PREPL: variants seen among roughly 807,000 people sequenced by gnomAD.
PREPL encodes prolyl endopeptidase like.
PREPL carries 77 observed loss-of-function variants against 70.6 expected under a neutral mutation model. That is an observed-to-expected ratio of 1.09 (90% CI 0.91 to 1.32). The LOEUF (loss-of-function observed/expected upper bound fraction) is 1.32, where lower values mean the gene tolerates loss of function less well. Among genes scored for constraint, PREPL ranks in the 40% most tolerant of loss-of-function variants. PREPL has a pLI of 0.00. For synonymous variants in PREPL, 315 were observed against 264.8 expected (o/e 1.19, Z -1.84); for missense variants, 1,002 against 778.2 (o/e 1.29, Z -3.42).
intron 1 of PREPL, among the ~76,000 whole-genome samples, chr2:44,351,640 C>CA (rs1448092588): frequency 2.8e-4 from 43 of 152,152 alleles, no homozygotes; most frequent in Admixed American, 2.4e-3. Context: ...TCTCTTGCCA[C>CA]AAACAACTGG....
chr2:44,342,055 A>G (rs963843875), intron 5 of PREPL, among the ~76,000 whole-genome samples: 2 of 152,202 alleles, frequency 1.3e-5, no homozygotes, highest in Non-Finnish European at 2.9e-5. Context: ...CTGACTAAAT[A>G]GCACTATACA....
Position 44,332,578 on chromosome 2 carries a change from T to C in PREPL, c.967A>G (p.Ile323Val), listed in dbSNP as rs143785426. 1.3e-4 allele frequency: 212 copies of C among 1,613,958 alleles called. 3 individuals carry two copies. The African/African-American group carries it at 2.2e-3, about 17-fold the overall frequency. ...KNCPFQLCSP[I>V]RPPKYYTYKF... ...TATGTGTAATATTTTGGGGGACGTA[T>C]TGGAGAGCAAAGTTGAAAGGGGCAG... The change falls in exon 8 of 14, where the codon ATA becomes GTA. Residue 323 changes from isoleucine (I) to valine (V), a missense_variant. Transcript: ENST00000409411.
chr2:44,321,914 C>T lies in PREPL; in HGVS notation c.1754-14G>A, dbSNP rs1672997522. 6.2e-7 allele frequency: 1 copy of T among 1,608,060 alleles called. No homozygotes were observed. Among genetic ancestry groups the T allele is most frequent in the Non-Finnish European group, 8.5e-7 (1 of 1,176,708 alleles). ...GGGTCTGATAGCCTGGAAGAGTTAA[C>T]ATGTAGAACAATTAGAAGATTGTAT... On this transcript the variant is annotated splice_polypyrimidine_tract_variant and intron_variant, in intron 12 of 13. Transcript: ENST00000409411.
At chr2:44,356,914 C>T (rs1463468875) in intron 1 of PREPL, among the ~76,000 whole-genome samples, 1 of 151,944 alleles carries the variant, frequency 6.6e-6, no homozygotes, top group Non-Finnish European at 1.5e-5. Context: ...AATCAATCAT[C>T]CCACATCAGC....
In PREPL at chr2:44,320,463, G is replaced by C; in HGVS notation, c.*893C>G. 1 of 1,614,098 alleles carries C rather than the reference G, an allele frequency of 6.2e-7. No homozygotes were observed. The highest frequency in any genetic ancestry group is 1.7e-5 in the Admixed American group (1 of 60,014). On this transcript the variant is annotated 3_prime_UTR_variant, in exon 14 of 14. Coordinates refer to ENST00000409411, the MANE Select transcript of PREPL (RefSeq NM_001171613.2). ...AATAAGGTTAAGTACCAATTCTGCCGACAAAGGCAGTAAAGTTGATACAAG... is the reference window on the plus strand; with the variant it reads ...AATAAGGTTAAGTACCAATTCTGCCCACAAAGGCAGTAAAGTTGATACAAG...
chr2:44,334,614 C>T (rs570832036), intron 7 of PREPL, among the ~76,000 whole-genome samples: 10 of 152,312 alleles, frequency 6.6e-5, no homozygotes, highest in South Asian at 6.2e-4. Context: ...GGCGTGATCT[C>T]GGCTCACTGC....
Position 44,332,486 on chromosome 2 carries a change from G to A in PREPL, c.1059C>T (p.Arg353=), listed in dbSNP as rs191502460. Residue 353 remains arginine, a synonymous_variant, in exon 8 of 14, where the codon CGC becomes CGT. Coordinates refer to ENST00000409411, the MANE Select transcript of PREPL (RefSeq NM_001171613.2). ...GHEDPITKTS[R]VLRLEAKSKD... is the part of the protein sequence containing the mutation. ...TGCTTTTGGCTTCTAGACGTAAAACGCGACTAGTCTTTGTGATTGGGTCTT... is the reference window on the plus strand; with the variant it reads ...TGCTTTTGGCTTCTAGACGTAAAACACGACTAGTCTTTGTGATTGGGTCTT... 4.3e-5 allele frequency: 69 copies of A among 1,614,006 alleles called. No individual in the cohort carries two copies. In the Middle Eastern group the frequency reaches 9.9e-4, roughly 23 times the overall value.
chr2:44,342,580 C>G, intron 4 of PREPL, 28 bp from the exon 5 acceptor site: 1 of 1,415,618 alleles, frequency 7.1e-7, no homozygotes, highest in Non-Finnish European at 9.7e-7. Flanking sequence ...GATAATTATA[C>G]ATAATCACCT....
At chr2:44,331,248 C>T (rs1032203026) in intron 8 of PREPL, among the ~76,000 whole-genome samples, 2 of 151,940 alleles carry the variant, frequency 1.3e-5, no homozygotes, top group Non-Finnish European at 2.9e-5. Flanking sequence ...TAGCCCTACA[C>T]TTCTTCTGTA....
intron 1 of PREPL, chr2:44,360,572 C>G (rs750504530): frequency 4.6e-5 from 7 of 152,174 alleles, no homozygotes; most frequent in Non-Finnish European, 1.0e-4. Context: ...CAGGAGGTAG[C>G]TTTTATTAAC....
At chr2:44,352,463 T>A (rs1431892255) in intron 1 of PREPL, among the ~76,000 whole-genome samples, 1 of 152,180 alleles carries the variant, frequency 6.6e-6, no homozygotes, top group East Asian at 1.9e-4. Flanking sequence ...GGTTTTGCCA[T>A]GTTGCCCAGG....
intron 8 of PREPL, among the ~76,000 whole-genome samples, chr2:44,331,460 C>T (rs772239699): frequency 1.3e-5 from 2 of 152,160 alleles, no homozygotes; most frequent in Non-Finnish European, 2.9e-5. Context: ...CCCGCCTCAG[C>T]CTCCCAAAGT....
In PREPL at chr2:44,322,027, A is replaced by ACCAC. The variant is rs983727217; in HGVS notation, c.1754-131_1754-128dup. On this transcript the variant is annotated intron_variant, in intron 12 of 13. Transcript: ENST00000409411. ...AATAGTAAAGGAATAAAAAGCAAAA[A>ACCAC]CCACCATCATCAACAAAAAGATGGG... 8.6e-6 allele frequency: 8 copies of ACCAC among 930,924 alleles called. No individual in the cohort carries two copies. The African/African-American group carries it at 1.3e-4, about 16-fold the overall frequency. The allele number at this position is 930,924 out of a possible 1,614,324, so 57.7% of individuals were successfully genotyped here. A position where few individuals can be genotyped will look rare whatever the true frequency, so the allele number is the denominator to read the frequency against.
At chr2:44,334,738 A>G (rs1674464224) in intron 7 of PREPL, among the ~76,000 whole-genome samples, 1 of 151,892 alleles carries the variant, frequency 6.6e-6, no homozygotes, top group South Asian at 2.1e-4. Flanking sequence ...TATTCTTTGT[A>G]TTTTATATTT....
Position 44,319,905 on chromosome 2 carries a change from G to C in PREPL, c.*1451C>G, listed in dbSNP as rs1322809228. On this transcript the variant is annotated 3_prime_UTR_variant, in exon 14 of 14. Coordinates refer to ENST00000409411, the MANE Select transcript of PREPL (RefSeq NM_001171613.2). ...ATATTCATCTTAGACATGGACATTT[G>C]CTTTGGGACTCCTAAAGTGGAGTCA... 1 of 341,860 alleles carries C rather than the reference G, an allele frequency of 2.9e-6. No homozygotes were observed. Among genetic ancestry groups the C allele is most frequent in the Non-Finnish European group, 5.4e-6 (1 of 185,298 alleles). 21.2% of individuals were successfully genotyped at this position (341,860 alleles called of 1,614,324 possible).
intron 1 of PREPL, among the ~76,000 whole-genome samples, chr2:44,357,288 C>G (rs145667686): frequency 6.6e-6 from 1 of 152,340 alleles, no homozygotes; most frequent in African/African-American, 2.4e-5. Flanking sequence ...AAAGCAGTAA[C>G]TACTTTTTCT....
intron 8 of PREPL, among the ~76,000 whole-genome samples, chr2:44,330,306 C>T (rs549986487): frequency 7.9e-5 from 12 of 152,316 alleles, no homozygotes; most frequent in Non-Finnish European, 1.2e-4. Context: ...ACTAAAATGC[C>T]TGTGGAAAGG....
At chr2:44,332,156 C>G (rs1249387114) in intron 8 of PREPL, among the ~76,000 whole-genome samples, 2 of 151,984 alleles carry the variant, frequency 1.3e-5, no homozygotes, top group Admixed American at 6.5e-5. Context: ...CCGTGTTAGC[C>G]AGGATGGTCT....
rs1673884460 is a variant in PREPL, at chr2:44,329,603, C to A, written c.1087-491G>T. Among the ~76,000 whole-genome samples, 3 of 152,196 alleles carry A rather than the reference C, an allele frequency of 2.0e-5. No individual in the cohort carries two copies. The East Asian group carries it at 5.8e-4, about 29-fold the overall frequency. The stretch of plus-strand genomic sequence containing the variant: ...TAGTCGGAATTCTCAACCATTAAGA[C>A]CTGAAATCTTACTGATGTTACTGAT... On this transcript the variant is annotated intron_variant, in intron 8 of 13. Coordinates refer to ENST00000409411, the MANE Select transcript of PREPL (RefSeq NM_001171613.2).
Sources: allele counts gnomAD v4.1 joint callset (sites outside exome capture counted in the v4.1 genomes callset), GRCh38; gene constraint gnomAD v4.1.1; transcripts MANE v1.5; gene names NCBI Gene and HGNC (gene_info 2026-07-23, HGNC 2026-07-21).